CRYBB3: variants seen among roughly 807,000 people sequenced by gnomAD.
The protein encoded by CRYBB3 is beta-crystallin B3.
In CRYBB3, 35 loss-of-function variants were observed where a neutral mutation model predicts 28.3. That is an observed-to-expected ratio of 1.24 (90% CI 0.95 to 1.64). The LOEUF (loss-of-function observed/expected upper bound fraction) is 1.64, where lower values mean the gene tolerates loss of function less well. Ranked by LOEUF, CRYBB3 falls within the 40% of genes most tolerant of loss-of-function variation. The pLI is 0.00. For missense variants in CRYBB3, 296 were observed against 297.4 expected, an observed-to-expected ratio of 1.00 and a Z score of 0.04; for synonymous variants, 106 against 110.4, an observed-to-expected ratio of 0.96 and a Z score of 0.25.
chr22:25,205,339 G>A lies in CRYBB3; in HGVS notation c.447G>A (p.Ala149=), dbSNP rs138004800. Residue 149 remains alanine (A), a synonymous_variant, in exon 5 of 6, where the codon GCG becomes GCA. Coordinates refer to ENST00000215855, the MANE Select transcript of CRYBB3 (RefSeq NM_004076.5). ...CTCATGGCTTCCAGGACCGTGTGGC[G>A]AGTGTCCGTGCCATCAACGGGACGT... is the stretch of plus-strand genomic sequence containing the variant. ...LWAHGFQDRV[A]SVRAINGTWV... The A allele has an allele frequency of 2.0e-5, 32 of 1,614,128 alleles. No individual in the cohort carries two copies. In the East Asian group the frequency reaches 3.3e-4, roughly 17 times the overall value.
rs1234951642 is a variant in CRYBB3 at position 25,207,242 on chromosome 22, C to T, written c.*30C>T. ...CACCCAGACTTCAAGGACCCAGACC[C>T]ACCCTGGGGGGCTGCAAGGGCAAGA... On this transcript the variant is annotated 3_prime_UTR_variant, in exon 6 of 6. Coordinates refer to ENST00000215855, the MANE Select transcript of CRYBB3 (RefSeq NM_004076.5). 10 of 1,601,106 alleles carry T rather than the reference C, an allele frequency of 6.2e-6. No individual in the cohort carries two copies. Among genetic ancestry groups the T allele is most frequent in the Admixed American group, 3.4e-5 (2 of 59,466 alleles).
intron 5 of CRYBB3, among the ~76,000 whole-genome samples, chr22:25,205,928 ATG>A (rs1196987814): frequency 6.6e-6 from 1 of 152,078 alleles, no homozygotes. Flanking sequence ...GATTCTTGAA[ATG>A]TTCTTCCCCC....
At position 25,203,791 on chromosome 22, in the gene CRYBB3, C is replaced by A; in HGVS notation, c.223C>A (p.Arg75Ser). 1 of 1,614,186 alleles carries A rather than the reference C, an allele frequency of 6.2e-7. No homozygotes were observed. The highest frequency in any genetic ancestry group is 8.5e-7 in the Non-Finnish European group (1 of 1,180,024). ...GCTGGCATTTGAGTCCAGGGCCTTC[C>A]GCGGGGAGCAGTTTGTTCTGGAGAA... ...PWLAFESRAF[R>S]GEQFVLEKGD... is the part of the protein sequence containing the mutation. Residue 75 changes from arginine to serine, a missense_variant, in exon 4 of 6, where the codon CGC becomes AGC. By Grantham distance (110) the Arg-to-Ser change is moderately radical. Transcript: ENST00000215855.
In CRYBB3 at chr22:25,202,584, A is replaced by AG; in HGVS notation, c.76-87dup. On this transcript the variant is annotated intron_variant, in intron 2 of 5. Coordinates refer to ENST00000215855, the MANE Select transcript of CRYBB3 (RefSeq NM_004076.5). ...CAGGCTGGAGAGATGCAGAAAGCAG[A>AG]GGGTACCTCCCTCTAATGCCCAAAG... The AG allele has an allele frequency of 5.0e-6, 8 of 1,602,584 alleles. No individual in the cohort carries two copies. In the South Asian group the frequency reaches 8.9e-5, roughly 18 times the overall value.
chr22:25,204,820 G>A (rs535899553), intron 4 of CRYBB3, among the ~76,000 whole-genome samples: 94 of 152,310 alleles, frequency 6.2e-4, no homozygotes, highest in Non-Finnish European at 1.0e-3. Context: ...GTCCTCCTTA[G>A]AGGGCAGTGG....
intron 5 of CRYBB3, among the ~76,000 whole-genome samples, 175 bp downstream of exon 5, chr22:25,205,537 G>T (rs1935018711): frequency 6.6e-6 from 1 of 152,136 alleles, no homozygotes; most frequent in South Asian, 2.1e-4. Context: ...TCAGCTCACT[G>T]CAAGCTCCGC....
intron 4 of CRYBB3, among the ~76,000 whole-genome samples, chr22:25,204,610 G>A (rs2007042): frequency 0.045 from 6,887 of 152,216 alleles, 243 homozygotes; most frequent in East Asian, 0.11. Flanking sequence ...TAGAGGTGGC[G>A]TTTTGCCATG....
chr22:25,202,096 C>T (rs556066826), intron 2 of CRYBB3, among the ~76,000 whole-genome samples: 1 of 152,286 alleles, frequency 6.6e-6, no homozygotes, highest in African/African-American at 2.4e-5. Context: ...AAGTATCTTA[C>T]CCTTTCTGAG....
chr22:25,203,661 A>G (rs570986202), intron 3 of CRYBB3, 102 bp from the exon 4 acceptor site: 54 of 1,318,010 alleles, frequency 4.1e-5, no homozygotes, highest in Middle Eastern at 1.8e-4. Context: ...GAGGGAGGGT[A>G]CAAGGTTCAA....
At position 25,201,756 on chromosome 22, in the gene CRYBB3, C is replaced by T. The variant is rs550527178; in HGVS notation, c.75+285C>T. Among the ~76,000 whole-genome samples, 8 of 152,264 alleles carry T rather than the reference C, an allele frequency of 5.3e-5. No homozygotes were observed. The East Asian group carries it at 1.5e-3, about 29-fold the overall frequency. ...GGGTTTCTGGAAACGGCTCTGAGCT[C>T]TGACTCTCCTGTCTGACCTCAGCCT... On this transcript the variant is annotated intron_variant, in intron 2 of 5. Transcript: ENST00000215855.
chr22:25,201,533 C>T, intron 2 of CRYBB3, 62 bp downstream of exon 2: 1 of 1,595,146 alleles, frequency 6.3e-7, no homozygotes, highest in Non-Finnish European at 8.6e-7. Flanking sequence ...GTCATCTTCC[C>T]AGCCAAGCAG....
At chr22:25,200,878 T>G (rs1934934446) in intron 1 of CRYBB3, among the ~76,000 whole-genome samples, 1 of 152,314 alleles carries the variant, frequency 6.6e-6, no homozygotes. Context: ...AGCCTGGCAC[T>G]GTGTAGGTGC....
rs1226013809 is a variant in CRYBB3, at chr22:25,202,746, G to A, written c.148G>A (p.Asp50Asn). The stretch of plus-strand genomic sequence containing the variant: ...CTCGGCCGAGTGCCCCAGCCTGACC[G>A]ACAGCCTGCTGGAGAAGGTGGGCTC... ...ELSAECPSLT[D>N]SLLEKVGSIQ... The change falls in exon 3 of 6, where the codon GAC (aspartate) becomes AAC (asparagine). Residue 50 changes from aspartate to asparagine, a missense_variant. Coordinates refer to ENST00000215855, the MANE Select transcript of CRYBB3 (RefSeq NM_004076.5). The A allele has an allele frequency of 1.1e-5, 17 of 1,613,886 alleles. No individual in the cohort carries two copies. Among genetic ancestry groups the A allele is most frequent in the African/African-American group, 1.3e-5 (1 of 74,924 alleles).
intron 3 of CRYBB3, among the ~76,000 whole-genome samples, chr22:25,203,121 G>A (rs1934976667): frequency 6.6e-6 from 1 of 152,180 alleles, no homozygotes; most frequent in African/African-American, 2.4e-5. Flanking sequence ...GAATCGTCAT[G>A]ACCCTGTGAC....
chr22:25,201,271 A>T, intron 1 of CRYBB3, 106 bp from the exon 2 acceptor site: 1 of 1,572,718 alleles, frequency 6.4e-7, no homozygotes, highest in East Asian at 2.4e-5. Flanking sequence ...AGTTACAGCC[A>T]CGCCCCATGG....
At chr22:25,202,550 T>G in intron 2 of CRYBB3, 124 bp from the exon 3 acceptor site, 1 of 1,572,568 alleles carries the variant, frequency 6.4e-7, no homozygotes, top group Non-Finnish European at 8.6e-7. Context: ...CCCACCTCAG[T>G]GCCAGCTCCA....
rs1344322989 is a variant in CRYBB3 at position 25,202,752 on chromosome 22, C to A, written c.154C>A (p.Leu52Met). 1 of 1,614,132 alleles carries A rather than the reference C, an allele frequency of 6.2e-7. No individual in the cohort carries two copies. The highest frequency in any genetic ancestry group is 8.5e-7 in the Non-Finnish European group (1 of 1,180,028). ...SAECPSLTDS[L>M]LEKVGSIQVE... ...CGAGTGCCCCAGCCTGACCGACAGC[C>A]TGCTGGAGAAGGTGGGCTCCATCCA... Residue 52 changes from leucine to methionine, a missense_variant, in exon 3 of 6, where the codon CTG becomes ATG. Transcript: ENST00000215855.
At chr22:25,206,968 G>A in intron 5 of CRYBB3, 79 bp from the exon 6 acceptor site, 2 of 1,041,600 alleles carry the variant, frequency 1.9e-6, no homozygotes, top group Non-Finnish European at 3.0e-6. Context: ...TAGGCAGGCA[G>A]AGTGCATGGT....
chr22:25,202,032 T>C (rs963189972), intron 2 of CRYBB3, among the ~76,000 whole-genome samples: 7 of 152,242 alleles, frequency 4.6e-5, no homozygotes, highest in African/African-American at 1.7e-4. Context: ...AGACAGAGTC[T>C]AAGGATGGGT....
Sources: allele counts gnomAD v4.1 joint callset (sites outside exome capture counted in the v4.1 genomes callset), GRCh38; gene constraint gnomAD v4.1.1; transcripts MANE v1.5; gene names NCBI Gene and HGNC (gene_info 2026-07-23, HGNC 2026-07-21).